Variants in LPGAT1 observed in about 807,000 individuals in gnomAD.
The protein encoded by LPGAT1 is acyl-CoA:lysophosphatidylglycerol acyltransferase 1.
LPGAT1 carries 11 observed loss-of-function variants against 47.5 expected under a neutral mutation model. That is an observed-to-expected ratio of 0.23 (90% CI 0.15 to 0.38). The LOEUF is 0.38. Ranked by LOEUF, LPGAT1 falls within the 10% of genes least tolerant of loss-of-function variation. The pLI, the probability that LPGAT1 is intolerant of heterozygous loss-of-function variation, is 1.00. For missense variants in LPGAT1, 293 were observed against 439.0 expected (o/e 0.67, Z 2.97); for synonymous variants, 138 against 144.2 (o/e 0.96, Z 0.31).
chr1:211,812,031 T>G (rs1191026377), intron 2 of LPGAT1, among the ~76,000 whole-genome samples: 1 of 152,240 alleles, frequency 6.6e-6, no homozygotes, highest in African/African-American at 2.4e-5. Flanking sequence ...ATTTGCTCAC[T>G]GATACCACTT....
At chr1:211,791,126 T>C (rs1357980238) in intron 3 of LPGAT1, among the ~76,000 whole-genome samples, 1 of 152,098 alleles carries the variant, frequency 6.6e-6, no homozygotes, top group Non-Finnish European at 1.5e-5. Flanking sequence ...TTTTTCCACA[T>C]TCCAGTGAGA....
chr1:211,796,684 A>G (rs888907259), intron 2 of LPGAT1, among the ~76,000 whole-genome samples: 1 of 152,080 alleles, frequency 6.6e-6, no homozygotes, highest in Non-Finnish European at 1.5e-5. Flanking sequence ...TTCCCTTTCC[A>G]TTCTATTTTC....
In LPGAT1 at chr1:211,747,765, T is replaced by C. The variant is rs1180582801; in HGVS notation, c.*2134A>G. The C allele has an allele frequency of 6.6e-6, 1 of 152,390 alleles. No individual in the cohort carries two copies. The highest frequency in any genetic ancestry group is 1.5e-5 in the Non-Finnish European group (1 of 68,034). The allele number at this position is 152,390 out of a possible 1,614,324, so 9.4% of individuals were successfully genotyped here. On this transcript the variant is annotated 3_prime_UTR_variant, in exon 8 of 8. Coordinates refer to ENST00000366997, the MANE Select transcript of LPGAT1 (RefSeq NM_014873.3). The stretch of plus-strand genomic sequence containing the variant: ...AAACAGAAGCATCATTAAGCTTCTA[T>C]TGGGCTTTCTGTCATCATCCATACC...
chr1:211,819,539 CACCAAAGT>C, intron 2 of LPGAT1, among the ~76,000 whole-genome samples: 1 of 152,046 alleles, frequency 6.6e-6, no homozygotes, highest in African/African-American at 2.4e-5. Flanking sequence ...AAAATAAAAC[CACCAAAGT>C]ACCTGAGAAC....
At chr1:211,785,926 G>A (rs1379363500) in intron 4 of LPGAT1, among the ~76,000 whole-genome samples, 1 of 151,970 alleles carries the variant, frequency 6.6e-6, no homozygotes, top group Non-Finnish European at 1.5e-5. Flanking sequence ...GATGCCTGAT[G>A]ATCATCATTA....
At chr1:211,773,357 T>A (rs1391014067) in intron 6 of LPGAT1, among the ~76,000 whole-genome samples, 1 of 152,162 alleles carries the variant, frequency 6.6e-6, no homozygotes, top group African/African-American at 2.4e-5. Context: ...AGCATATGTA[T>A]CTTTAAAAAA....
At chr1:211,760,652 A>T (rs1261878615) in intron 6 of LPGAT1, among the ~76,000 whole-genome samples, 1 of 152,246 alleles carries the variant, frequency 6.6e-6, no homozygotes, top group South Asian at 2.1e-4. Flanking sequence ...AAATGGGTGC[A>T]TACTTAAAAG....
chr1:211,816,398 A>C (rs1660176628), intron 2 of LPGAT1, among the ~76,000 whole-genome samples: 1 of 152,234 alleles, frequency 6.6e-6, no homozygotes, highest in Admixed American at 6.5e-5. Context: ...AAATTTTTGC[A>C]TTAGAATAGG....
At chr1:211,798,625 G>C (rs558850626) in intron 2 of LPGAT1, among the ~76,000 whole-genome samples, 1 of 152,280 alleles carries the variant, frequency 6.6e-6, no homozygotes, top group East Asian at 1.9e-4. Flanking sequence ...CAAGGCTGTA[G>C]TGAGCTGTGA....
At chr1:211,799,548 C>T (rs1002340790) in intron 2 of LPGAT1, among the ~76,000 whole-genome samples, 12 of 152,120 alleles carry the variant, frequency 7.9e-5, no homozygotes, top group African/African-American at 2.9e-4. Flanking sequence ...TGTCAAAGAA[C>T]CTTAAGGACA....
At chr1:211,762,871 A>C (rs769565771) in intron 6 of LPGAT1, among the ~76,000 whole-genome samples, 32 of 152,248 alleles carry the variant, frequency 2.1e-4, no homozygotes, top group Non-Finnish European at 5.9e-5. Context: ...AAGACTCCAA[A>C]ATGTGAGCTG....
At chr1:211,780,820 T>C (rs370432860) in intron 5 of LPGAT1, among the ~76,000 whole-genome samples, 4 of 152,166 alleles carry the variant, frequency 2.6e-5, no homozygotes, top group South Asian at 2.1e-4. Flanking sequence ...AATGGATAGA[T>C]AGAAGGATGA....
chr1:211,782,744 C>T (rs1658693664), intron 5 of LPGAT1, among the ~76,000 whole-genome samples: 1 of 151,442 alleles, frequency 6.6e-6, no homozygotes, highest in Admixed American at 6.6e-5. Context: ...CAAGAAAACC[C>T]AGAAAAAAAA....
intron 2 of LPGAT1, among the ~76,000 whole-genome samples, chr1:211,797,518 A>G (rs1284889882): frequency 1.3e-5 from 2 of 152,022 alleles, no homozygotes; most frequent in African/African-American, 2.4e-5. Flanking sequence ...TTAATTTCCA[A>G]TATATATGGT....
At chr1:211,791,882 C>T (rs1452857888) in intron 3 of LPGAT1, among the ~76,000 whole-genome samples, 1 of 150,550 alleles carries the variant, frequency 6.6e-6, no homozygotes, top group Admixed American at 6.6e-5. Flanking sequence ...ATGGTGTTTA[C>T]ACTTCCTATA....
rs1411063019 is a variant in LPGAT1, at chr1:211,744,645, A to T, written c.*5254T>A. ...ACTGGCTATATGGGATTTACAATAAAGTATTTGTATCTTATTATTTGTTAA... is the reference window on the plus strand; with the variant it reads ...ACTGGCTATATGGGATTTACAATAATGTATTTGTATCTTATTATTTGTTAA... On this transcript the variant is annotated 3_prime_UTR_variant, in exon 8 of 8. Transcript: ENST00000366997. 6.6e-6 allele frequency: 1 copy of T among 152,262 alleles called. No individual in the cohort carries two copies. The highest frequency in any genetic ancestry group is 1.5e-5 in the Non-Finnish European group (1 of 68,044). The allele number at this position is 152,262 out of a possible 1,614,324, so 9.4% of individuals were successfully genotyped here. A position where few individuals can be genotyped will look rare whatever the true frequency, so the allele number is the denominator to read the frequency against.
At chr1:211,815,104 G>A (rs1660123275) in intron 2 of LPGAT1, among the ~76,000 whole-genome samples, 2 of 152,100 alleles carry the variant, frequency 1.3e-5, no homozygotes, top group Non-Finnish European at 2.9e-5. Flanking sequence ...GATATCCCTA[G>A]GTGATAGCAG....
intron 4 of LPGAT1, among the ~76,000 whole-genome samples, chr1:211,784,710 GAGAAA>G (rs1558267258): frequency 6.6e-6 from 1 of 151,404 alleles, no homozygotes; most frequent in Non-Finnish European, 1.5e-5. Context: ...GAGGGAAAGA[GAGAAA>G]AGAAGATGAC....
At chr1:211,829,444 T>C in intron 1 of LPGAT1, 121 bp from the exon 2 acceptor site, 1 of 1,465,254 alleles carries the variant, frequency 6.8e-7, no homozygotes, top group Non-Finnish European at 9.0e-7. Flanking sequence ...TTTCCGGGTG[T>C]AGTACCTCGG....
Sources: allele counts gnomAD v4.1 joint callset (sites outside exome capture counted in the v4.1 genomes callset), GRCh38; gene constraint gnomAD v4.1.1; transcripts MANE v1.5; gene names NCBI Gene and HGNC (gene_info 2026-07-23, HGNC 2026-07-21).